Variants in PDE3B observed in about 807,000 individuals in gnomAD.
PDE3B encodes the protein phosphodiesterase 3B.
PDE3B carries 66 observed loss-of-function variants against 116.8 expected under a neutral mutation model. That is an observed-to-expected ratio of 0.56 (90% CI 0.46 to 0.69). The LOEUF (loss-of-function observed/expected upper bound fraction) is 0.69, where lower values mean the gene tolerates loss of function less well. Ranked by LOEUF, PDE3B falls within the 30% of genes least tolerant of loss-of-function variation. The pLI is 0.00. For synonymous variants in PDE3B, 595 were observed against 533.6 expected (o/e 1.12, Z -1.59); for missense variants, 1,384 against 1,368.1 (o/e 1.01, Z -0.18).
intron 4 of PDE3B, among the ~76,000 whole-genome samples, chr11:14,802,596 C>T (rs1007009910): frequency 3.3e-5 from 5 of 152,200 alleles, no homozygotes; most frequent in Admixed American, 6.5e-5. Context: ...TTCTATTCAA[C>T]CATCTTGCCT....
chr11:14,896,368 T>C, the PDE3B span, among the ~76,000 whole-genome samples: 2 of 152,142 alleles, frequency 1.3e-5, no homozygotes, highest in African/African-American at 4.8e-5. Context: ...CACAAATGTA[T>C]TGGGCACCTA....
intron 1 of PDE3B, among the ~76,000 whole-genome samples, chr11:14,650,681 C>T (rs1215844105): frequency 6.6e-6 from 1 of 151,922 alleles, no homozygotes; most frequent in Non-Finnish European, 1.5e-5. Context: ...ACACATCCAC[C>T]CTTGGGAGGC....
At chr11:14,663,352 T>C (rs1458047088) in intron 1 of PDE3B, among the ~76,000 whole-genome samples, 1 of 151,948 alleles carries the variant, frequency 6.6e-6, no homozygotes, top group African/African-American at 2.4e-5. Flanking sequence ...CCCTGCAAAA[T>C]CATGCCAAAT....
At chr11:14,667,269 C>T (rs1267842699) in intron 1 of PDE3B, among the ~76,000 whole-genome samples, 1 of 147,532 alleles carries the variant, frequency 6.8e-6, no homozygotes, top group East Asian at 2.1e-4. Flanking sequence ...GAACATCACA[C>T]TCTGGGGACT....
At chr11:14,827,299 G>A (rs1423789793) in intron 7 of PDE3B, among the ~76,000 whole-genome samples, 1 of 152,120 alleles carries the variant, frequency 6.6e-6, no homozygotes, top group African/African-American at 2.4e-5. Context: ...ATTTAACATA[G>A]TATTGGAAGT....
intron 1 of PDE3B, chr11:14,699,260 T>C (rs1469519900): frequency 2.0e-5 from 3 of 151,944 alleles, no homozygotes; most frequent in Non-Finnish European, 4.4e-5. Context: ...CCAACATTGA[T>C]TCTTTACAGT....
At chr11:14,723,728 C>T (rs898812692) in intron 1 of PDE3B, among the ~76,000 whole-genome samples, 1 of 151,720 alleles carries the variant, frequency 6.6e-6, no homozygotes, top group African/African-American at 2.4e-5. Flanking sequence ...GGCCACTGTA[C>T]TCCAGCCTGG....
intron 12 of PDE3B, among the ~76,000 whole-genome samples, chr11:14,850,412 A>G (rs1026596485): frequency 1.3e-5 from 2 of 152,078 alleles, no homozygotes; most frequent in Non-Finnish European, 2.9e-5. Flanking sequence ...TGGGTGCAGC[A>G]CACCAGCATG....
intron 1 of PDE3B, chr11:14,673,797 G>A (rs1268295855): frequency 7.2e-6 from 6 of 832,582 alleles, no homozygotes; most frequent in Non-Finnish European, 1.3e-5. Context: ...CTGGGACATG[G>A]GTGCCTTGGG....
At chr11:14,694,439 A>G (rs550684395) in intron 1 of PDE3B, among the ~76,000 whole-genome samples, 6 of 152,184 alleles carry the variant, frequency 3.9e-5, no homozygotes, top group East Asian at 1.9e-4. Flanking sequence ...GCCTTCAGCA[A>G]CCACCACCCT....
chr11:14,741,496 T>C (rs1856771824), intron 1 of PDE3B, among the ~76,000 whole-genome samples: 2 of 152,152 alleles, frequency 1.3e-5, no homozygotes, highest in African/African-American at 4.8e-5. Flanking sequence ...GCATATGAGA[T>C]GGGTCTCCTG....
intron 1 of PDE3B, among the ~76,000 whole-genome samples, chr11:14,749,835 A>G (rs1232067677): frequency 7.3e-6 from 1 of 136,888 alleles, no homozygotes; most frequent in African/African-American, 2.7e-5. Flanking sequence ...TCCCATAAAT[A>G]TATATATATT....
Position 14,644,157 on chromosome 11 carries a change from A to T in PDE3B, c.82A>T (p.Arg28Trp). ...DGAGSPPESL[R>W]NGYVKSCVSP... ...GGCCGGCTCGCCCCCCGAGAGTCTG[A>T]GGAACGGCTACGTGAAGAGCTGCGT... Residue 28 changes from arginine to tryptophan, a missense_variant, in exon 1 of 16, where the codon AGG becomes TGG. By Grantham distance (101) the Arg-to-Trp change is moderately radical. This residue lies in a region of PDE3B where 956 missense variants were observed against 806.8 expected (regional missense o/e 1.18). Coordinates refer to ENST00000282096, the MANE Select transcript of PDE3B (RefSeq NM_000922.4). 1 of 1,592,858 alleles carries T rather than the reference A, an allele frequency of 6.3e-7. No homozygotes were observed. Among genetic ancestry groups the T allele is most frequent in the Non-Finnish European group, 8.5e-7 (1 of 1,176,932 alleles).
chr11:14,664,132 A>C (rs926864526), intron 1 of PDE3B, among the ~76,000 whole-genome samples: 1 of 152,244 alleles, frequency 6.6e-6, no homozygotes, highest in African/African-American at 2.4e-5. Context: ...CCGCTCAACT[A>C]TATGGAAACT....
intron 1 of PDE3B, among the ~76,000 whole-genome samples, chr11:14,704,497 A>AAAAGAAGT (rs1285051235): frequency 6.6e-6 from 1 of 151,800 alleles, no homozygotes; most frequent in East Asian, 1.9e-4. Context: ...AAAGCAATAA[A>AAAAGAAGT]AAAGAAGTAC....
the PDE3B span, among the ~76,000 whole-genome samples, chr11:14,883,683 T>C: frequency 2.6e-5 from 4 of 151,864 alleles, no homozygotes; most frequent in Non-Finnish European, 5.9e-5. Context: ...AATTGACAAA[T>C]GGGATCTAAT....
In PDE3B at chr11:14,843,745, C is replaced by T. The variant is rs1052063550; in HGVS notation, c.2321-82C>T. ...GCAAATAAAATAAGTAAGCATATTA[C>T]CTATGAGAATCCCCTCCATAGCAAA... On this transcript the variant is annotated intron_variant, in intron 11 of 15. Transcript: ENST00000282096. 13 of 980,054 alleles carry T rather than the reference C, an allele frequency of 1.3e-5. No individual in the cohort carries two copies. The African/African-American group carries it at 2.1e-4, about 16-fold the overall frequency. The allele number at this position is 980,054 out of a possible 1,614,324, so 60.7% of individuals were successfully genotyped here.
the PDE3B span, among the ~76,000 whole-genome samples, chr11:14,881,127 T>C: frequency 6.6e-6 from 1 of 152,110 alleles, no homozygotes; most frequent in African/African-American, 2.4e-5. Context: ...GGACAAAGTT[T>C]TATCTTAGAC....
chr11:14,708,732 A>G (rs1331405930), intron 1 of PDE3B, among the ~76,000 whole-genome samples: 1 of 152,046 alleles, frequency 6.6e-6, no homozygotes, highest in Non-Finnish European at 1.5e-5. Context: ...ACTAAAAAGC[A>G]TGATGTAAGC....
Sources: gnomAD v4.1 joint callset for allele counts (sites outside exome capture counted in the v4.1 genomes callset) on GRCh38, gnomAD v4.1.1 for gene constraint, gnomAD v4.1.1 regional missense constraint, MANE v1.5 for transcripts, NCBI Gene and HGNC (gene_info 2026-07-23, HGNC 2026-07-21) for gene names.